The following SLC22A16 variants were observed in gnomAD, a reference collection of about 807,000 sequenced individuals.
The protein encoded by SLC22A16 is solute carrier family 22 member 16.
A neutral mutation model predicts 52.9 loss-of-function variants in SLC22A16; 53 were observed. That is an observed-to-expected ratio of 1.00 (90% confidence interval 0.80 to 1.26). The LOEUF (loss-of-function observed/expected upper bound fraction) is 1.26, where lower values mean the gene tolerates loss of function less well. Ranked by LOEUF, SLC22A16 falls within the 50% of genes most tolerant of loss-of-function variation. SLC22A16 has a pLI of 0.00. For synonymous variants in SLC22A16, 291 were observed against 268.8 expected (o/e 1.08, Z -0.81); for missense variants, 726 against 704.0 (o/e 1.03, Z -0.35).
chr6:110,425,293 T>G (rs948202891), intron 7 of SLC22A16: 20 of 1,498,344 alleles, frequency 1.3e-5, no homozygotes, highest in Non-Finnish European at 1.8e-5. Flanking sequence ...CATCACTCAC[T>G]CATTCATTCC....
chr6:110,472,237 G>A (rs1776284540), intron 1 of SLC22A16, among the ~76,000 whole-genome samples: 1 of 152,092 alleles, frequency 6.6e-6, no homozygotes, highest in African/African-American at 2.4e-5. Flanking sequence ...TCTCCTTCAT[G>A]CCTTAGGGCC....
intron 1 of SLC22A16, among the ~76,000 whole-genome samples, chr6:110,475,676 C>T (rs58948223): frequency 0.015 from 2,260 of 152,256 alleles, 61 homozygotes; most frequent in African/African-American, 0.049. Context: ...AGTAGCAGGC[C>T]AGGATCGAGA....
intron 7 of SLC22A16, among the ~76,000 whole-genome samples, chr6:110,426,909 C>T (rs1211900513): frequency 1.3e-5 from 2 of 151,560 alleles, no homozygotes; most frequent in African/African-American, 4.9e-5. Context: ...AAGATTGTGC[C>T]ACTGAACTCC....
At chr6:110,459,232 C>T (rs570705867) in intron 1 of SLC22A16, among the ~76,000 whole-genome samples, 1 of 152,268 alleles carries the variant, frequency 6.6e-6, no homozygotes, top group Non-Finnish European at 1.5e-5. Flanking sequence ...TAGTAACTTG[C>T]TTCTAAAGAA....
At chr6:110,434,929 G>A (rs1774664638) in intron 6 of SLC22A16, among the ~76,000 whole-genome samples, 1 of 152,042 alleles carries the variant, frequency 6.6e-6, no homozygotes, top group Non-Finnish European at 1.5e-5. Flanking sequence ...AGTGAACCAA[G>A]ATCACACCAC....
At chr6:110,457,689 G>A (rs1304884655) in intron 1 of SLC22A16, among the ~76,000 whole-genome samples, 1 of 152,204 alleles carries the variant, frequency 6.6e-6, no homozygotes, top group Non-Finnish European at 1.5e-5. Flanking sequence ...AGAGACAGGA[G>A]CTGAAGGGAC....
chr6:110,437,906 C>A (rs1419663075), intron 5 of SLC22A16, among the ~76,000 whole-genome samples: 2 of 152,110 alleles, frequency 1.3e-5, no homozygotes, highest in Admixed American at 6.5e-5. Flanking sequence ...GGTGTTTATG[C>A]GTACCAGACA....
At position 110,435,916 on chromosome 6, in the gene SLC22A16, C is replaced by G. The variant is rs1331443491; in HGVS notation, c.1357G>C (p.Ala453Pro). ...GVVTAMVGKFAIGAAFGLIYL... is the reference protein window; with the variant it reads ...GVVTAMVGKFPIGAAFGLIYL... ...ATGAGGCCAAATGCTGCCCCGATGG[C>G]AAATTTTCCAACCATAGCTGTCACC... Residue 453 changes from alanine to proline, a missense_variant, in exon 6 of 8, where the codon GCC becomes CCC. By Grantham distance (27) the Ala-to-Pro change is conservative (BLOSUM62 -1). Transcript: ENST00000368919. The G allele has an allele frequency of 6.2e-7, 1 of 1,613,864 alleles. No homozygotes were observed. Among genetic ancestry groups the G allele is most frequent in the Non-Finnish European group, 8.5e-7 (1 of 1,179,958 alleles).
intron 2 of SLC22A16, among the ~76,000 whole-genome samples, chr6:110,452,202 ATATT>A (rs1775412307): frequency 6.6e-6 from 1 of 152,114 alleles, no homozygotes; most frequent in African/African-American, 2.4e-5. Flanking sequence ...ACTTTTTGTT[ATATT>A]TAACCATTTA....
chr6:110,465,968 C>G (rs1351136810), intron 1 of SLC22A16, among the ~76,000 whole-genome samples: 1 of 151,994 alleles, frequency 6.6e-6, no homozygotes, highest in Non-Finnish European at 1.5e-5. Flanking sequence ...AATAGAGAAT[C>G]CAGAAATAGA....
intron 5 of SLC22A16, 112 bp from the exon 6 acceptor site, chr6:110,436,073 A>G (rs1228269818): frequency 2.9e-6 from 2 of 684,702 alleles, no homozygotes; most frequent in South Asian, 1.9e-5. Context: ...TTTTTTCAGA[A>G]CAATGAAGAC....
rs200065237 is a variant in SLC22A16 at position 110,442,575 on chromosome 6, G to A, written c.852C>T (p.Cys284=). Residue 284 remains cysteine, a synonymous_variant, in exon 4 of 8, where the codon TGC becomes TGT. Transcript: ENST00000368919. The part of the protein sequence containing the change: ...LSTVTVPFIL[C]CWVLPETPFW... ...AAGGTGTCTCTGGGAGCACCCAACAGCACAGGATAAAGGGGACAGTCACTG... is the reference window on the plus strand; with the variant it reads ...AAGGTGTCTCTGGGAGCACCCAACAACACAGGATAAAGGGGACAGTCACTG... The A allele has an allele frequency of 2.2e-5, 35 of 1,614,164 alleles. No individual in the cohort carries two copies. The African/African-American group carries it at 4.1e-4, about 19-fold the overall frequency.
At position 110,454,643 on chromosome 6, in the gene SLC22A16, ATATTT is replaced by A. The variant is rs1775526508; in HGVS notation, c.533+1890_533+1894del. On this transcript the variant is annotated intron_variant, in intron 2 of 7. Transcript: ENST00000368919. ...TATAATATATATTTATATATATTAT[ATATTT>A]TATATATATTATATATATTTATATA... Among the ~76,000 whole-genome samples the A allele has an allele frequency of 1.4e-4, 7 of 48,764 alleles. No homozygotes were observed. In the Admixed American group the frequency reaches 2.1e-3, roughly 15 times the overall value. 32.0% of individuals were successfully genotyped at this position (48,764 alleles called of 152,430 possible).
At position 110,456,763 on chromosome 6, in the gene SLC22A16, C is replaced by T; in HGVS notation, c.308G>A (p.Arg103Lys). Residue 103 changes from arginine to lysine, a missense_variant, in exon 2 of 8, where the codon AGG becomes AAG. By Grantham distance (26) the Arg-to-Lys change is conservative (BLOSUM62 2). Transcript: ENST00000368919. ...GEIWELSRCSRNKRENTSSLG... is the reference protein window; with the variant it reads ...GEIWELSRCSKNKRENTSSLG... ...ACTCGATGTGTTCTCCCTCTTATTC[C>T]TGCTACACCTTGAGAGCTCCCAGAT... 1 of 1,614,160 alleles carries T rather than the reference C, an allele frequency of 6.2e-7. No individual in the cohort carries two copies. The highest frequency in any genetic ancestry group is 8.5e-7 in the Non-Finnish European group (1 of 1,180,038).
intron 6 of SLC22A16, among the ~76,000 whole-genome samples, chr6:110,434,138 G>A (rs759443857): frequency 2.6e-5 from 4 of 152,076 alleles, no homozygotes. Context: ...TACTCAGGAG[G>A]CTGAGGCAGG....
At chr6:110,447,816 T>C (rs1421692646) in intron 2 of SLC22A16, among the ~76,000 whole-genome samples, 1 of 152,258 alleles carries the variant, frequency 6.6e-6, no homozygotes, top group African/African-American at 2.4e-5. Flanking sequence ...CAGCTTCTTC[T>C]GCGTTGTAGC....
intron 1 of SLC22A16, among the ~76,000 whole-genome samples, chr6:110,463,514 T>TAAAAAAATAAA (rs1775960474): frequency 1.9e-5 from 1 of 53,270 alleles, no homozygotes; most frequent in Non-Finnish European, 3.2e-5. Context: ...GTAACAACAG[T>TAAAAAAATAAA]AAAAAAAAAA....
At chr6:110,472,527 C>T (rs1776294368) in intron 1 of SLC22A16, among the ~76,000 whole-genome samples, 1 of 152,112 alleles carries the variant, frequency 6.6e-6, no homozygotes, top group African/African-American at 2.4e-5. Flanking sequence ...ACTAAGTGGC[C>T]CCCAATCAAG....
At position 110,431,113 on chromosome 6, in the gene SLC22A16, A is replaced by C. The variant is rs150872930; in HGVS notation, c.1521+58T>G. ...AAATAACAATAGAGAAGTTGCTAAT[A>C]GGCAATTAGAAACTGCCTCCGTGCC... On this transcript the variant is annotated intron_variant, in intron 7 of 7. Transcript: ENST00000368919. 5.3e-5 allele frequency: 72 copies of C among 1,355,278 alleles called. 1 individual carries two copies. The highest frequency in any genetic ancestry group is 7.4e-5 in the Non-Finnish European group (70 of 947,352). The allele number at this position is 1,355,278 out of a possible 1,614,324, so 84.0% of individuals were successfully genotyped here. A position where few individuals can be genotyped will look rare whatever the true frequency, so the allele number is the denominator to read the frequency against.
Sources: allele counts gnomAD v4.1 joint callset (sites outside exome capture counted in the v4.1 genomes callset), GRCh38; gene constraint gnomAD v4.1.1; transcripts MANE v1.5; gene names NCBI Gene and HGNC (gene_info 2026-07-23, HGNC 2026-07-21).